BIRC6: variants seen among roughly 807,000 people sequenced by gnomAD.
BIRC6 encodes baculoviral IAP repeat containing 6, also known as dual E2 ubiquitin-conjugating enzyme/E3 ubiquitin-protein ligase BIRC6.
A neutral mutation model predicts 503.3 loss-of-function variants in BIRC6; 98 were observed. That is an observed-to-expected ratio of 0.19 (90% CI 0.17 to 0.23). The LOEUF (loss-of-function observed/expected upper bound fraction) is 0.23, where lower values mean the gene tolerates loss of function less well. BIRC6 is among the 10% of genes least tolerant of loss of function. The probability of loss-of-function intolerance (pLI) is 1.00; values close to 1 mark genes in which losing one functional copy is unlikely to be tolerated. For missense variants in BIRC6, 5,360 were observed against 5,806.0 expected (o/e 0.92, Z 2.50); for synonymous variants, 2,240 against 2,078.7 (o/e 1.08, Z -2.11).
chr2:32,359,299 AAG>A (rs147630819), intron 1 of BIRC6, among the ~76,000 whole-genome samples: 2,151 of 152,344 alleles, frequency 0.014, 22 homozygotes, highest in Middle Eastern at 0.054. Flanking sequence ...TTTGGATAGA[AAG>A]AGGAATTTTA....
At chr2:32,366,165 C>G (rs1452820360) in intron 1 of BIRC6, among the ~76,000 whole-genome samples, 1 of 152,192 alleles carries the variant, frequency 6.6e-6, no homozygotes, top group African/African-American at 2.4e-5. Flanking sequence ...GCCACCATGC[C>G]CAGCCAGCAA....
At position 32,477,568 on chromosome 2, in the gene BIRC6, ATTGT is replaced by A; in HGVS notation, c.7062_7065del (p.Cys2355ArgfsTer20). 1 of 1,613,356 alleles carries A rather than the reference ATTGT, an allele frequency of 6.2e-7. No homozygotes were observed. Among genetic ancestry groups the A allele is most frequent in the Non-Finnish European group, 8.5e-7 (1 of 1,179,596 alleles). On this transcript the variant is annotated frameshift_variant, in exon 35 of 74. Coordinates refer to ENST00000421745, the MANE Select transcript of BIRC6 (RefSeq NM_016252.4). LOFTEE classifies it high-confidence loss of function. The stretch of plus-strand genomic sequence containing the variant: ...ACTTTACATGTCATGCAGATCTCTT[ATTGT>A]TTGTTTGTAAGGTATGTAAACTATA...
rs1000145885 is a variant in BIRC6 at position 32,409,264 on chromosome 2, A to G, written c.1477+2707A>G. Among the ~76,000 whole-genome samples, 5 of 152,138 alleles carry G rather than the reference A, an allele frequency of 3.3e-5. No homozygotes were observed. In the South Asian group the frequency reaches 8.3e-4, roughly 25 times the overall value. ...AACCTCTGCCTCCTGGGTTCAAGCA[A>G]TTCTACTGCCTCAGCCTCCCGAGTA... On this transcript the variant is annotated intron_variant, in intron 9 of 73. Coordinates refer to ENST00000421745, the MANE Select transcript of BIRC6 (RefSeq NM_016252.4).
intron 5 of BIRC6, among the ~76,000 whole-genome samples, chr2:32,394,388 A>G (rs2039607086): frequency 6.6e-6 from 1 of 152,142 alleles, no homozygotes; most frequent in Admixed American, 6.6e-5. Flanking sequence ...ATATATATAT[A>G]AATTGTGCCT....
chr2:32,413,765 A>G (rs1242678633), intron 9 of BIRC6, among the ~76,000 whole-genome samples: 1 of 151,828 alleles, frequency 6.6e-6, no homozygotes, highest in Non-Finnish European at 1.5e-5. Flanking sequence ...GACCCTCTCT[A>G]GATACCAAAA....
At chr2:32,519,690 A>G (rs2055432766) in intron 57 of BIRC6, among the ~76,000 whole-genome samples, 2 of 151,876 alleles carry the variant, frequency 1.3e-5, no homozygotes, top group South Asian at 4.1e-4. Context: ...TAATTTTTTC[A>G]TTTGTTTAGT....
intron 66 of BIRC6, among the ~76,000 whole-genome samples, chr2:32,588,455 A>G (rs975471627): frequency 1.3e-5 from 2 of 152,200 alleles, no homozygotes; most frequent in African/African-American, 4.8e-5. Flanking sequence ...ACTTTCGTAG[A>G]TTAGGGCAAT....
chr2:32,531,271 G>A (rs1414653535), intron 60 of BIRC6, 84 bp from the exon 61 acceptor site: 4 of 1,195,362 alleles, frequency 3.3e-6, no homozygotes, highest in Non-Finnish European at 4.6e-6. Flanking sequence ...CAAGAAAGCA[G>A]TAATACCTGC....
At chr2:32,473,343 C>T in intron 33 of BIRC6, 104 bp downstream of exon 33, 1 of 923,844 alleles carries the variant, frequency 1.1e-6, no homozygotes. Context: ...ATTTAATGGG[C>T]TCTTAGCTTA....
intron 59 of BIRC6, 168 bp from the exon 60 acceptor site, chr2:32,529,483 T>C (rs894423185): frequency 3.4e-6 from 2 of 580,342 alleles, no homozygotes; most frequent in Non-Finnish European, 5.7e-6. Context: ...ATGTCAGAAA[T>C]AAACTCACTT....
intron 65 of BIRC6, among the ~76,000 whole-genome samples, chr2:32,571,058 G>A (rs1346204054): frequency 6.6e-6 from 1 of 151,986 alleles, no homozygotes; most frequent in Admixed American, 6.6e-5. Context: ...TGATCCTCCT[G>A]CCTCAGCCTC....
intron 65 of BIRC6, chr2:32,565,537 T>A (rs2059478033): frequency 6.6e-6 from 1 of 152,316 alleles, no homozygotes; most frequent in Admixed American, 6.5e-5. Flanking sequence ...ATAGTACTAA[T>A]CTAACTAATA....
chr2:32,459,614 T>C (rs1273892648), intron 23 of BIRC6, among the ~76,000 whole-genome samples: 1 of 152,190 alleles, frequency 6.6e-6, no homozygotes, highest in Non-Finnish European at 1.5e-5. Context: ...TAAATCAGTT[T>C]AGGAGAATTG....
chr2:32,521,363 C>T (rs1192557110), intron 57 of BIRC6, among the ~76,000 whole-genome samples: 1 of 3,508 alleles, frequency 2.9e-4, no homozygotes. Context: ...AAGACCTCAT[C>T]TCAAAAAAAA....
At chr2:32,482,147 A>G (rs1205184622) in intron 38 of BIRC6, among the ~76,000 whole-genome samples, 7 of 152,296 alleles carry the variant, frequency 4.6e-5, no homozygotes, top group South Asian at 2.1e-4. Context: ...AATCACCTGT[A>G]ATAATTTATG....
intron 10 of BIRC6, among the ~76,000 whole-genome samples, chr2:32,428,075 G>T (rs1018966788): frequency 6.6e-6 from 1 of 152,202 alleles, no homozygotes; most frequent in Non-Finnish European, 1.5e-5. Flanking sequence ...AGATTGATAG[G>T]TTTGGTGTCC....
At chr2:32,568,539 A>AT (rs1162534602) in intron 65 of BIRC6, among the ~76,000 whole-genome samples, 1 of 150,094 alleles carries the variant, frequency 6.7e-6, no homozygotes, top group African/African-American at 2.4e-5. Flanking sequence ...ATGTAAAGTT[A>AT]TTTTTTAGAA....
At chr2:32,483,994 C>G (rs1316369785) in intron 39 of BIRC6, among the ~76,000 whole-genome samples, 5 of 152,102 alleles carry the variant, frequency 3.3e-5, no homozygotes, top group African/African-American at 9.7e-5. Flanking sequence ...CATGGTCTTG[C>G]TCTGTCACTC....
chr2:32,508,787 A>T (rs1336591322), intron 51 of BIRC6, among the ~76,000 whole-genome samples: 2 of 152,184 alleles, frequency 1.3e-5, no homozygotes, highest in Non-Finnish European at 2.9e-5. Context: ...GTTCTGCCTG[A>T]TAAAAATGAA....
Sources: gnomAD v4.1 joint callset for allele counts (sites outside exome capture counted in the v4.1 genomes callset) on GRCh38, gnomAD v4.1.1 for gene constraint, MANE v1.5 for transcripts, NCBI Gene and HGNC (gene_info 2026-07-23, HGNC 2026-07-21) for gene names.